Variants in LRRC4C observed in about 807,000 individuals in gnomAD.
The protein encoded by LRRC4C is leucine-rich repeat-containing protein 4C.
In LRRC4C, 5 loss-of-function variants were observed where a neutral mutation model predicts 33.6. The observed-to-expected ratio is 0.15, with a 90% CI of 0.08 to 0.31. The LOEUF is 0.31. Ranked by LOEUF, LRRC4C falls within the 10% of genes least tolerant of loss-of-function variation. The pLI is 1.00. For missense variants in LRRC4C, 560 were observed against 796.7 expected, an observed-to-expected ratio of 0.70 and a Z score of 3.58; for synonymous variants, 329 against 302.0, an observed-to-expected ratio of 1.09 and a Z score of -0.93.
intron 5 of LRRC4C, among the ~76,000 whole-genome samples, chr11:40,229,155 CT>C (rs1279581955): frequency 2.0e-5 from 3 of 152,062 alleles, no homozygotes; most frequent in African/African-American, 7.2e-5. Context: ...GAATAATTGT[CT>C]TCTTTATCTA....
chr11:40,509,510 A>AC (rs1565458911), intron 3 of LRRC4C, among the ~76,000 whole-genome samples: 2 of 150,126 alleles, frequency 1.3e-5, no homozygotes, highest in Non-Finnish European at 3.0e-5. Context: ...TTATTTATTT[A>AC]TTTTTTTTTG....
chr11:41,314,261 A>T (rs1950721058), intron 1 of LRRC4C, among the ~76,000 whole-genome samples: 1 of 152,192 alleles, frequency 6.6e-6, no homozygotes. Flanking sequence ...GAATGCCTAA[A>T]GTTAAGTTTC....
chr11:41,356,318 G>A (rs1055125574), intron 1 of LRRC4C, among the ~76,000 whole-genome samples: 7 of 152,082 alleles, frequency 4.6e-5, no homozygotes, highest in African/African-American at 1.7e-4. Context: ...AGATCACACT[G>A]TGTCTTTGTA....
chr11:40,481,710 T>C (rs934482916), intron 3 of LRRC4C, among the ~76,000 whole-genome samples: 1 of 152,190 alleles, frequency 6.6e-6, no homozygotes, highest in Non-Finnish European at 1.5e-5. Context: ...GCAAGACTGA[T>C]ACTTTTTACA....
intron 1 of LRRC4C, among the ~76,000 whole-genome samples, chr11:41,341,928 T>C (rs187315573): frequency 6.6e-6 from 1 of 152,332 alleles, no homozygotes; most frequent in East Asian, 1.9e-4. Flanking sequence ...AAGGCATTGA[T>C]AATCTGGTTA....
chr11:40,512,373 C>CAAAACA (rs1427858870), intron 3 of LRRC4C, among the ~76,000 whole-genome samples: 1 of 147,612 alleles, frequency 6.8e-6, no homozygotes, highest in African/African-American at 2.6e-5. Context: ...GACTCCATCT[C>CAAAACA]AAAACAAAAA....
chr11:40,979,204 C>A (rs935574267), intron 1 of LRRC4C, among the ~76,000 whole-genome samples: 2 of 152,184 alleles, frequency 1.3e-5, no homozygotes, highest in South Asian at 4.2e-4. Flanking sequence ...GCAGTATCTT[C>A]CCTCATAATT....
intron 3 of LRRC4C, among the ~76,000 whole-genome samples, chr11:40,567,916 A>G (rs1342408575): frequency 6.6e-6 from 1 of 152,086 alleles, no homozygotes; most frequent in Non-Finnish European, 1.5e-5. Flanking sequence ...TTTACCTCAA[A>G]GCTATATTCT....
intron 3 of LRRC4C, among the ~76,000 whole-genome samples, chr11:40,554,971 T>A (rs1311703753): frequency 1.3e-5 from 2 of 151,926 alleles, no homozygotes. Flanking sequence ...TCCGCCCGCC[T>A]CGGCCTCCCA....
intron 3 of LRRC4C, among the ~76,000 whole-genome samples, chr11:40,568,101 A>G (rs1040700521): frequency 1.3e-5 from 2 of 152,220 alleles, no homozygotes; most frequent in Non-Finnish European, 2.9e-5. Context: ...CGAACAGATC[A>G]TAATAGAAGT....
intron 3 of LRRC4C, among the ~76,000 whole-genome samples, chr11:40,429,320 C>T (rs1254321656): frequency 3.9e-5 from 6 of 152,148 alleles, no homozygotes; most frequent in East Asian, 1.9e-4. Flanking sequence ...GTGATCCACG[C>T]GCCTCATACT....
chr11:40,381,152 A>T (rs752793212), intron 3 of LRRC4C, among the ~76,000 whole-genome samples: 4 of 152,074 alleles, frequency 2.6e-5, no homozygotes, highest in Non-Finnish European at 4.4e-5. Flanking sequence ...TTCGACCTAG[A>T]CAAAGAATTA....
intron 3 of LRRC4C, among the ~76,000 whole-genome samples, chr11:40,363,888 C>T (rs1021043954): frequency 1.3e-4 from 20 of 152,176 alleles, no homozygotes; most frequent in African/African-American, 4.8e-4. Context: ...CTTCTCTAAT[C>T]GCATGCGCCT....
At chr11:41,258,339 C>T (rs183947096) in intron 1 of LRRC4C, among the ~76,000 whole-genome samples, 2 of 152,080 alleles carry the variant, frequency 1.3e-5, no homozygotes, top group South Asian at 2.1e-4. Context: ...ATATGTTAGC[C>T]TTCACGAGTT....
At chr11:41,026,001 G>C (rs1856320250) in intron 1 of LRRC4C, among the ~76,000 whole-genome samples, 1 of 151,568 alleles carries the variant, frequency 6.6e-6, no homozygotes, top group South Asian at 2.1e-4. Context: ...CAAAAGCTCT[G>C]GTAGGAGATA....
chr11:40,426,563 C>T (rs1266985657), intron 3 of LRRC4C, among the ~76,000 whole-genome samples: 1 of 152,134 alleles, frequency 6.6e-6, no homozygotes, highest in African/African-American at 2.4e-5. Context: ...AGCTACCGAT[C>T]TTCTGGTGCT....
At chr11:41,175,101 ATGCCTGTAGTCC>A (rs1456123641) in intron 1 of LRRC4C, among the ~76,000 whole-genome samples, 1 of 151,994 alleles carries the variant, frequency 6.6e-6, no homozygotes, top group African/African-American at 2.4e-5. Flanking sequence ...CCCACTATGA[ATGCCTGTAGTCC>A]TGCTCTCAGC....
rs58139193 is a variant in LRRC4C, at chr11:41,279,428, A to ACACACACCC, written c.-496+180002_-496+180003insGGGTGTGTG. On this transcript the variant is annotated intron_variant, in intron 1 of 6. Coordinates refer to ENST00000528697, the MANE Select transcript of LRRC4C (RefSeq NM_001258419.2). ...CACACACACACACACACACACACAC[A>ACACACACCC]CCGTGGCAATCACTGCCTGCAATGG... Among the ~76,000 whole-genome samples the ACACACACCC allele has an allele frequency of 8.4e-4, 119 of 140,880 alleles. 3 individuals are homozygous for ACACACACCC. In the Middle Eastern group the frequency reaches 0.015, roughly 17 times the overall value. 92.4% of individuals were successfully genotyped at this position (140,880 alleles called of 152,430 possible). A position where few individuals can be genotyped will look rare whatever the true frequency, so the allele number is the denominator to read the frequency against.
intron 3 of LRRC4C, among the ~76,000 whole-genome samples, chr11:40,392,889 C>A (rs1949391842): frequency 6.6e-6 from 1 of 151,992 alleles, no homozygotes; most frequent in East Asian, 1.9e-4. Context: ...AAATGCCCCG[C>A]TGAATATTTC....
Sources: gnomAD v4.1 joint callset for allele counts (sites outside exome capture counted in the v4.1 genomes callset) on GRCh38, gnomAD v4.1.1 for gene constraint, MANE v1.5 for transcripts, NCBI Gene and HGNC (gene_info 2026-07-23, HGNC 2026-07-21) for gene names.